Variants in KLHDC8A observed in about 807,000 individuals in gnomAD.
KLHDC8A encodes kelch domain containing 8A.
Under a neutral mutation model 33.1 loss-of-function variants are expected in KLHDC8A, and 21 were observed. The ratio of observed to expected loss-of-function variants is 0.64; its 90% CI spans 0.45 to 0.91. KLHDC8A has a LOEUF of 0.91. Among genes scored for constraint, KLHDC8A ranks in the 40% least tolerant of loss-of-function variants. The probability of loss-of-function intolerance (pLI) is 0.00; values close to 1 mark genes in which losing one functional copy is unlikely to be tolerated. For missense variants in KLHDC8A, 435 were observed against 483.3 expected (o/e 0.90, Z 0.94); for synonymous variants, 173 against 193.5 (o/e 0.89, Z 0.88).
In KLHDC8A at chr1:205,353,223, CA is replaced by C. The variant is rs555757742; in HGVS notation, c.-190+3309del. ...GCCTGAAATCTAAGAACAATTTTTA[CA>C]TTTTTAAATGATTGGGGAAAAAAAA... On this transcript the variant is annotated intron_variant, in intron 1 of 5. Transcript: ENST00000367155. 1.2e-3 allele frequency among the ~76,000 whole-genome samples: 181 copies of C among 152,198 alleles called. 2 individuals carry two copies. Among genetic ancestry groups the C allele is most frequent in the Admixed American group, 0.011 (168 of 15,290 alleles).
rs370705821 is a variant in KLHDC8A, at chr1:205,343,346, C to T, written c.259G>A (p.Val87Met). The T allele has an allele frequency of 3.7e-6, 6 of 1,613,658 alleles. No individual in the cohort carries two copies. Among genetic ancestry groups the T allele is most frequent in the African/African-American group, 1.3e-5 (1 of 74,930 alleles). Residue 87 changes from valine to methionine, a missense_variant, in exon 2 of 6, where the codon GTG becomes ATG. By Grantham distance (21) the Val-to-Met change is conservative. Coordinates refer to ENST00000367155, the MANE Select transcript of KLHDC8A (RefSeq NM_018203.3). ...TTCAGGGGCAGCTGATTGGTGCCCA[C>T]GCCCCCAATCACCATGATCCGCTTC... ...LGKRIMVIGG[V>M]GTNQLPLKVV... is the part of the protein sequence containing the mutation.
intron 1 of KLHDC8A, among the ~76,000 whole-genome samples, chr1:205,345,848 G>A (rs542912599): frequency 1.3e-4 from 20 of 152,166 alleles, no homozygotes; most frequent in African/African-American, 4.6e-4. Flanking sequence ...GCCGAGGTAC[G>A]TGGATCACCT....
Position 205,337,048 on chromosome 1 carries a change from G to A in KLHDC8A, c.*351C>T, listed in dbSNP as rs1662652221. The A allele has an allele frequency of 7.1e-6, 2 of 282,134 alleles. No homozygotes were observed. Among genetic ancestry groups the A allele is most frequent in the Admixed American group, 4.9e-5 (1 of 20,368 alleles). 17.5% of individuals were successfully genotyped at this position (282,134 alleles called of 1,614,324 possible). A position where few individuals can be genotyped will look rare whatever the true frequency, so the allele number is the denominator to read the frequency against. ...ACAGCAACAGCAGTCTATCCTCTCGGTCAGAACTGCTCTACCTGCCTCCTG... is the reference window on the plus strand; with the variant it reads ...ACAGCAACAGCAGTCTATCCTCTCGATCAGAACTGCTCTACCTGCCTCCTG... On this transcript the variant is annotated 3_prime_UTR_variant, in exon 6 of 6. Transcript: ENST00000367155.
intron 1 of KLHDC8A, among the ~76,000 whole-genome samples, chr1:205,353,623 G>A (rs1005666981): frequency 3.9e-5 from 6 of 152,042 alleles, no homozygotes; most frequent in Non-Finnish European, 7.4e-5. Flanking sequence ...GCAGCCTCCC[G>A]GGCCCAATCA....
In KLHDC8A at chr1:205,339,121, G is replaced by A. The variant is rs1662715025; in HGVS notation, c.757+73C>T. ...ACGGCCCTGGAAGATGGCTGGAATA[G>A]GGGTAAGGGATGGGGAGCCAGCCAG... On this transcript the variant is annotated intron_variant, in intron 4 of 5. Transcript: ENST00000367155. The surrounding 1 kb of genome is among the most constrained non-coding windows in gnomAD (Gnocchi z 5.1). 9.3e-6 allele frequency: 12 copies of A among 1,284,238 alleles called. No individual in the cohort carries two copies. The South Asian group carries it at 1.1e-4, about 12-fold the overall frequency. 79.6% of individuals were successfully genotyped at this position (1,284,238 alleles called of 1,614,324 possible).
Position 205,343,421 on chromosome 1 carries a change from AG to A in KLHDC8A, c.183del (p.Leu62CysfsTer22). The A allele has an allele frequency of 6.2e-7, 1 of 1,613,358 alleles. No individual in the cohort carries two copies. The highest frequency in any genetic ancestry group is 1.1e-5 in the South Asian group (1 of 91,074). The stretch of plus-strand genomic sequence containing the variant: ...GCCCGGGCTGTGGGCAGCCGGGGCA[AG>A]GCGGTCCACTGGTCGGCCTCCGGGG... ...VYSPEADQWT[A>X]LPRLPTARAG... On this transcript the variant is annotated frameshift_variant, in exon 2 of 6. Transcript: ENST00000367155. LOFTEE classifies it high-confidence loss of function.
chr1:205,338,830 T>G (rs1662707890), intron 4 of KLHDC8A, among the ~76,000 whole-genome samples: 2 of 152,110 alleles, frequency 1.3e-5, no homozygotes, highest in Non-Finnish European at 2.9e-5. Context: ...TGAATCACCT[T>G]GACTTCTGGT....
At chr1:205,355,059 C>G (rs755950805) in intron 1 of KLHDC8A, among the ~76,000 whole-genome samples, 3 of 152,142 alleles carry the variant, frequency 2.0e-5, no homozygotes, top group African/African-American at 7.2e-5. Flanking sequence ...CAGCCAGGAC[C>G]CAAACGCTGG....
rs7520988 is a variant in KLHDC8A at position 205,349,532 on chromosome 1, T to C, written c.-189-5739A>G. Reference sequence around the variant, plus strand: ...GTTTTCAGACTCAGGAGTTGCACAATGTAGAGAAGGAAGGGTTGGGAAGCC... The same window carrying C: ...GTTTTCAGACTCAGGAGTTGCACAACGTAGAGAAGGAAGGGTTGGGAAGCC... On this transcript the variant is annotated intron_variant, in intron 1 of 5. Coordinates refer to ENST00000367155, the MANE Select transcript of KLHDC8A (RefSeq NM_018203.3). Among the ~76,000 whole-genome samples the C allele has an allele frequency of 5.1e-3, 776 of 152,216 alleles. 10 individuals carry two copies. The highest frequency in any genetic ancestry group is 0.017 in the African/African-American group (722 of 41,544).
intron 2 of KLHDC8A, among the ~76,000 whole-genome samples, chr1:205,341,535 C>G (rs1018263771): frequency 2.6e-5 from 4 of 152,226 alleles, no homozygotes; most frequent in African/African-American, 9.6e-5. Context: ...CTCATCCTTT[C>G]AGACCCATCT....
chr1:205,348,789 C>G (rs916808347), intron 1 of KLHDC8A, among the ~76,000 whole-genome samples: 21 of 152,132 alleles, frequency 1.4e-4, no homozygotes, highest in Non-Finnish European at 2.5e-4. Flanking sequence ...AGATAGGCAG[C>G]CTTACCAGGG....
At chr1:205,351,643 G>A (rs1156983696) in intron 1 of KLHDC8A, among the ~76,000 whole-genome samples, 1 of 151,098 alleles carries the variant, frequency 6.6e-6, no homozygotes, top group Non-Finnish European at 1.5e-5. Flanking sequence ...TCTTGGCTGG[G>A]CGTAGTGGCT....
rs1662847209 is a variant in KLHDC8A at position 205,343,395 on chromosome 1, C to T, written c.210G>A (p.Ala70=). The change falls in exon 2 of 6, where the codon GCG becomes GCA. Residue 70 remains alanine (A), a synonymous_variant. Transcript: ENST00000367155. ...TCCCCAGGGCGGTGACGGCCACCCC[C>T]GCCCGGGCTGTGGGCAGCCGGGGCA... ...TALPRLPTAR[A]GVAVTALGKR... The T allele has an allele frequency of 1.2e-6, 2 of 1,613,332 alleles. No individual in the cohort carries two copies. Among genetic ancestry groups the T allele is most frequent in the South Asian group, 1.1e-5 (1 of 91,058 alleles).
chr1:205,350,306 A>G (rs1222916064), intron 1 of KLHDC8A, among the ~76,000 whole-genome samples: 1 of 152,058 alleles, frequency 6.6e-6, no homozygotes, highest in African/African-American at 2.4e-5. Context: ...GACCTTGGGC[A>G]CCCACCTGCT....
chr1:205,352,704 C>T (rs1489496629), intron 1 of KLHDC8A, among the ~76,000 whole-genome samples: 1 of 152,184 alleles, frequency 6.6e-6, no homozygotes, highest in Admixed American at 6.5e-5. Context: ...AAGGATCTGC[C>T]TGTCCTCATC....
intron 1 of KLHDC8A, among the ~76,000 whole-genome samples, chr1:205,346,006 G>A (rs1312401719): frequency 2.6e-5 from 4 of 152,206 alleles, no homozygotes; most frequent in South Asian, 2.1e-4. Flanking sequence ...CGCGGGAAGC[G>A]GAGGTTTCAG....
At chr1:205,338,263 C>T (rs1662688583) in intron 5 of KLHDC8A, among the ~76,000 whole-genome samples, 1 of 152,228 alleles carries the variant, frequency 6.6e-6, no homozygotes, top group Admixed American at 6.5e-5. Context: ...GTCCCTTATT[C>T]TCTCTGCGTC....
intron 1 of KLHDC8A, among the ~76,000 whole-genome samples, chr1:205,347,584 C>T (rs1042092920): frequency 1.3e-5 from 2 of 151,994 alleles, no homozygotes; most frequent in Non-Finnish European, 2.9e-5. Context: ...ATCTGAGCTT[C>T]GTGGCACATA....
Position 205,345,575 on chromosome 1 carries a change from T to C in KLHDC8A, c.-189-1782A>G, listed in dbSNP as rs192462655. On this transcript the variant is annotated intron_variant, in intron 1 of 5. Coordinates refer to ENST00000367155, the MANE Select transcript of KLHDC8A (RefSeq NM_018203.3). ...CAACATGGTGAAGCCCCATCTCTAC[T>C]AAGAATGCAAAAAAAATTAGCCAGG... Among the ~76,000 whole-genome samples, 197 of 151,682 alleles carry C rather than the reference T, an allele frequency of 1.3e-3. 1 individual carries two copies. Among genetic ancestry groups the C allele is most frequent in the African/African-American group, 4.3e-3 (176 of 41,318 alleles).
Sources: gnomAD v4.1 joint callset for allele counts (sites outside exome capture counted in the v4.1 genomes callset) on GRCh38, gnomAD v4.1.1 for gene constraint, Gnocchi (gnomAD v3.1) non-coding constraint, MANE v1.5 for transcripts, NCBI Gene and HGNC (gene_info 2026-07-23, HGNC 2026-07-21) for gene names.